The following PTPN3 variants were observed in gnomAD, a reference collection of about 807,000 sequenced individuals.
The protein encoded by PTPN3 is tyrosine-protein phosphatase non-receptor type 3.
Under a neutral mutation model 132.7 loss-of-function variants are expected in PTPN3, and 96 were observed. The ratio of observed to expected loss-of-function variants is 0.72; its 90% CI spans 0.61 to 0.86. PTPN3 has a LOEUF of 0.86. PTPN3 is among the 40% of genes least tolerant of loss of function. The pLI, the probability that PTPN3 is intolerant of heterozygous loss-of-function variation, is 0.00. For synonymous variants in PTPN3, 398 were observed against 429.0 expected (o/e 0.93, Z 0.89); for missense variants, 1,125 against 1,159.6 (o/e 0.97, Z 0.43).
chr9:109,457,366 C>A lies in PTPN3; in HGVS notation c.172G>T (p.Val58Leu). The part of the protein sequence containing the change: ...QDTGQVLLDM[V>L]HNHLGVTEKE... ...TCAGTCACACCCAGGTGGTTGTGCA[C>A]CATATCCAGAAGAACCTGGCCAGTG... The change falls in exon 3 of 26, where the codon GTG becomes TTG. Residue 58 changes from valine to leucine, a missense_variant. Coordinates refer to ENST00000374541, the MANE Select transcript of PTPN3 (RefSeq NM_002829.4). The A allele has an allele frequency of 6.2e-7, 1 of 1,614,036 alleles. No homozygotes were observed. Among genetic ancestry groups the A allele is most frequent in the Non-Finnish European group, 8.5e-7 (1 of 1,179,998 alleles).
intron 14 of PTPN3, among the ~76,000 whole-genome samples, chr9:109,413,466 G>C (rs757560342): frequency 6.6e-6 from 1 of 152,198 alleles, no homozygotes; most frequent in Non-Finnish European, 1.5e-5. Flanking sequence ...CACAGCACAG[G>C]GTGGCCAGGG....
At chr9:109,534,275 C>T in the PTPN3 span, 117 of 1,539,376 alleles carry the variant, frequency 7.6e-5, no homozygotes, top group Non-Finnish European at 9.8e-5. Flanking sequence ...GCGCTGAGGG[C>T]GGGGGGCGGC....
At chr9:109,426,481 G>A (rs1418005571) in intron 12 of PTPN3, among the ~76,000 whole-genome samples, 1 of 152,104 alleles carries the variant, frequency 6.6e-6, no homozygotes, top group Non-Finnish European at 1.5e-5. Context: ...GATTACTACT[G>A]TTATTTTGTA....
chr9:109,438,294 A>G, intron 7 of PTPN3, 60 bp from the exon 8 acceptor site: 1 of 1,520,648 alleles, frequency 6.6e-7, no homozygotes, highest in Non-Finnish European at 9.0e-7. Context: ...TATGGTTTGC[A>G]TTTATAAGCA....
rs1040629481 is a variant in PTPN3 at position 109,378,313 on chromosome 9, G to T, written c.*1243C>A. ...TCACAAATTTAAAAAAATTTAACAC[G>T]GTATTCACAAAGGCAGAATTCTTTA... On this transcript the variant is annotated 3_prime_UTR_variant, in exon 26 of 26. Transcript: ENST00000374541. The T allele has an allele frequency of 6.6e-6, 1 of 152,350 alleles. No homozygotes were observed. Among genetic ancestry groups the T allele is most frequent in the Non-Finnish European group, 1.5e-5 (1 of 67,994 alleles). The allele number at this position is 152,350 out of a possible 1,614,324, so 9.4% of individuals were successfully genotyped here. A position where few individuals can be genotyped will look rare whatever the true frequency, so the allele number is the denominator to read the frequency against.
chr9:109,409,577 G>A (rs771107113), intron 16 of PTPN3, among the ~76,000 whole-genome samples: 3 of 151,768 alleles, frequency 2.0e-5, no homozygotes, highest in East Asian at 1.9e-4. Flanking sequence ...CTGTAATCCC[G>A]GCACTTTGGG....
intron 5 of PTPN3, among the ~76,000 whole-genome samples, chr9:109,452,468 C>T (rs1027631771): frequency 6.6e-6 from 1 of 151,910 alleles, no homozygotes. Context: ...CATGTACATA[C>T]ATACATAATC....
intron 7 of PTPN3, among the ~76,000 whole-genome samples, chr9:109,441,887 G>T (rs908779590): frequency 6.6e-6 from 1 of 151,974 alleles, no homozygotes; most frequent in African/African-American, 2.4e-5. Flanking sequence ...GATTACAGGT[G>T]CAAACCACTA....
At chr9:109,518,830 A>T in the PTPN3 span, among the ~76,000 whole-genome samples, 1 of 152,172 alleles carries the variant, frequency 6.6e-6, no homozygotes, top group Non-Finnish European at 1.5e-5. Flanking sequence ...CAGTTTCCTC[A>T]TTCCTCAAAC....
Position 109,463,382 on chromosome 9 carries a change from G to A in PTPN3, c.53C>T (p.Ser18Leu), listed in dbSNP as rs769548418. 20 of 1,613,308 alleles carry A rather than the reference G, an allele frequency of 1.2e-5. No individual in the cohort carries two copies. In the Admixed American group the frequency reaches 1.5e-4, roughly 12 times the overall value. Residue 18 changes from serine to leucine, a missense_variant, in exon 2 of 26, where the codon TCG becomes TTG. Physicochemically the swap from Ser to Leu is moderately radical, Grantham distance 145. Coordinates refer to ENST00000374541, the MANE Select transcript of PTPN3 (RefSeq NM_002829.4). ...LGGRINNIRTSELPKEKTRSE... is the reference protein window; with the variant it reads ...LGGRINNIRTLELPKEKTRSE... ...TCGAGTTTTCTCTTTGGGTAACTCC[G>A]AGGTGCGTATATTATTAATTCTTCC... is the stretch of plus-strand genomic sequence containing the variant.
intron 13 of PTPN3, among the ~76,000 whole-genome samples, chr9:109,421,275 C>T (rs543871985): frequency 6.6e-6 from 1 of 152,266 alleles, no homozygotes; most frequent in South Asian, 2.1e-4. Flanking sequence ...GTTCTCAGGG[C>T]ATCCAGTGTG....
chr9:109,494,209 C>T (rs971207430), intron 1 of PTPN3, among the ~76,000 whole-genome samples: 1 of 152,198 alleles, frequency 6.6e-6, no homozygotes. Context: ...CGGTGGCTCA[C>T]GCCTATATCT....
At chr9:109,528,795 T>G in the PTPN3 span, among the ~76,000 whole-genome samples, 1 of 152,014 alleles carries the variant, frequency 6.6e-6, no homozygotes, top group African/African-American at 2.4e-5. Context: ...TCCTCCTCCT[T>G]CTTCCTTGTG....
intron 14 of PTPN3, among the ~76,000 whole-genome samples, chr9:109,412,221 T>TC (rs1842130372): frequency 6.6e-6 from 1 of 152,064 alleles, no homozygotes; most frequent in African/African-American, 2.4e-5. Context: ...CATTTTTTTT[T>TC]CTTTTGAGGT....
In PTPN3 at chr9:109,404,440, G is replaced by A. The variant is rs915564030; in HGVS notation, c.1953+8C>T. 3 of 1,413,424 alleles carry A rather than the reference G, an allele frequency of 2.1e-6. No individual in the cohort carries two copies. In the African/African-American group the frequency reaches 4.2e-5, roughly 20 times the overall value. The allele number at this position is 1,413,424 out of a possible 1,614,324, so 87.6% of individuals were successfully genotyped here. A position where few individuals can be genotyped will look rare whatever the true frequency, so the allele number is the denominator to read the frequency against. Reference sequence around the variant, plus strand: ...TGGCAGTGGGATTCAGCCTCCAGAGGGTCTTACCTCAAACTGGATCAGCAC... The same window carrying A: ...TGGCAGTGGGATTCAGCCTCCAGAGAGTCTTACCTCAAACTGGATCAGCAC... On this transcript the variant is annotated splice_region_variant and intron_variant, in intron 19 of 25. Transcript: ENST00000374541.
intron 1 of PTPN3, among the ~76,000 whole-genome samples, chr9:109,469,692 T>C (rs1588478371): frequency 6.6e-6 from 1 of 152,260 alleles, no homozygotes; most frequent in South Asian, 2.1e-4. Context: ...AATTGAAGAA[T>C]ATGAGTTCCG....
chr9:109,407,952 G>A (rs1048629461), intron 17 of PTPN3, among the ~76,000 whole-genome samples: 1 of 152,200 alleles, frequency 6.6e-6, no homozygotes, highest in Admixed American at 6.5e-5. Flanking sequence ...GTGAGAAGAG[G>A]CACAGGGCCC....
intron 19 of PTPN3, among the ~76,000 whole-genome samples, chr9:109,391,958 G>C (rs1416522777): frequency 6.7e-6 from 1 of 149,744 alleles, no homozygotes; most frequent in East Asian, 2.0e-4. Context: ...TCAATGTAGT[G>C]AACCACACCC....
chr9:109,449,453 TTCTGCA>T, intron 5 of PTPN3: 1 of 985,548 alleles, frequency 1.0e-6, no homozygotes, highest in Non-Finnish European at 1.2e-6. Context: ...CCAAGCTGAA[TTCTGCA>T]CTCATCTCTG....
Sources: gnomAD v4.1 joint callset for allele counts (sites outside exome capture counted in the v4.1 genomes callset) on GRCh38, gnomAD v4.1.1 for gene constraint, MANE v1.5 for transcripts, NCBI Gene and HGNC (gene_info 2026-07-23, HGNC 2026-07-21) for gene names.